THADA: variants seen among roughly 807,000 people sequenced by gnomAD.
THADA encodes the protein tRNA (32-2'-O)-methyltransferase regulator THADA.
Under a neutral mutation model 219.8 loss-of-function variants are expected in THADA, and 213 were observed. The observed-to-expected ratio is 0.97, with a 90% confidence interval of 0.87 to 1.09. The LOEUF (loss-of-function observed/expected upper bound fraction) is 1.09. Ranked by LOEUF, THADA falls within the 50% of genes least tolerant of loss-of-function variation. The probability of loss-of-function intolerance (pLI) is 0.00; values close to 1 mark genes in which losing one functional copy is unlikely to be tolerated. For missense variants in THADA, 2,956 were observed against 2,311.3 expected, an observed-to-expected ratio of 1.28 and a Z score of -5.72; for synonymous variants, 1,018 against 828.9, an observed-to-expected ratio of 1.23 and a Z score of -3.92.
At chr2:43,234,226 G>A (rs950769727) in intron 36 of THADA, among the ~76,000 whole-genome samples, 2 of 152,372 alleles carry the variant, frequency 1.3e-5, no homozygotes, top group African/African-American at 2.4e-5. Flanking sequence ...GCAAAGCGCA[G>A]ATTTGGAGAC....
intron 26 of THADA, among the ~76,000 whole-genome samples, chr2:43,476,895 T>G (rs571907081): frequency 6.6e-6 from 1 of 152,164 alleles, no homozygotes; most frequent in Non-Finnish European, 1.5e-5. Context: ...ACCTAGAATA[T>G]AAAGTTCATT....
At chr2:43,353,841 G>A (rs1245016048) in intron 29 of THADA, among the ~76,000 whole-genome samples, 2 of 95,624 alleles carry the variant, frequency 2.1e-5, no homozygotes, top group Non-Finnish European at 4.3e-5. Context: ...TTTTTGAGAT[G>A]TAGTCTCGCT....
intron 29 of THADA, among the ~76,000 whole-genome samples, chr2:43,383,591 C>T (rs1672288113): frequency 6.6e-6 from 1 of 152,172 alleles, no homozygotes; most frequent in Admixed American, 6.5e-5. Context: ...TGAATTAGTA[C>T]TTAAACATAA....
At position 43,232,714 on chromosome 2, in the gene THADA, T is replaced by C; in HGVS notation, c.5465A>G (p.Gln1822Arg). 1 of 1,613,702 alleles carries C rather than the reference T, an allele frequency of 6.2e-7. No homozygotes were observed. The highest frequency in any genetic ancestry group is 8.5e-7 in the Non-Finnish European group (1 of 1,179,694). ...ACTCCCCTGACACCCCGGGATCACC[T>C]GATGCATGCTCTCCACACAGGCCAC... is the stretch of plus-strand genomic sequence containing the variant. The part of the protein sequence containing the change: ...DLVACVESMH[Q>R]VEEDYLFEKA... The change falls in exon 37 of 38, where the codon CAG becomes CGG. Residue 1822 changes from glutamine (Q) to arginine (R), a missense_variant and splice_region_variant. Coordinates refer to ENST00000405975, the MANE Select transcript of THADA (RefSeq NM_022065.5).
chr2:43,484,441 G>A (rs1317348663), intron 26 of THADA: 1 of 169,104 alleles, frequency 5.9e-6, no homozygotes, highest in Non-Finnish European at 1.5e-5. Flanking sequence ...AGACCACTGG[G>A]CCAAACTGGA....
intron 17 of THADA, among the ~76,000 whole-genome samples, chr2:43,553,216 G>C (rs2103889725): frequency 6.6e-6 from 1 of 152,202 alleles, no homozygotes; most frequent in African/African-American, 2.4e-5. Context: ...AAACATTCTT[G>C]TACAAGTTTT....
chr2:43,493,329 T>C (rs1460673718), intron 25 of THADA, among the ~76,000 whole-genome samples: 1 of 152,130 alleles, frequency 6.6e-6, no homozygotes, highest in African/African-American at 2.4e-5. Flanking sequence ...ACCCCGTCTC[T>C]ACTAAAAATA....
intron 14 of THADA, among the ~76,000 whole-genome samples, chr2:43,569,174 G>C (rs905135736): frequency 1.3e-5 from 2 of 152,020 alleles, no homozygotes; most frequent in Admixed American, 1.3e-4. Context: ...ATGGGGTCTT[G>C]CTATGTTGCC....
At chr2:43,455,889 T>C (rs1682935277) in intron 26 of THADA, among the ~76,000 whole-genome samples, 2 of 152,214 alleles carry the variant, frequency 1.3e-5, no homozygotes, top group Non-Finnish European at 2.9e-5. Flanking sequence ...ACTTTTACAT[T>C]CTGTTCCTTA....
chr2:43,506,155 G>A (rs1441351004), intron 23 of THADA, among the ~76,000 whole-genome samples: 1 of 152,190 alleles, frequency 6.6e-6, no homozygotes, highest in Non-Finnish European at 1.5e-5. Flanking sequence ...TAAAATTCTT[G>A]TAAGAATGTT....
intron 26 of THADA, among the ~76,000 whole-genome samples, chr2:43,438,664 G>C (rs942613036): frequency 6.6e-6 from 1 of 152,108 alleles, no homozygotes; most frequent in Non-Finnish European, 1.5e-5. Flanking sequence ...AAACACTTTG[G>C]ATCTACCACC....
intron 25 of THADA, among the ~76,000 whole-genome samples, chr2:43,494,733 G>A (rs978996765): frequency 7.9e-5 from 12 of 152,152 alleles, no homozygotes; most frequent in African/African-American, 2.9e-4. Flanking sequence ...TATTTCTAGT[G>A]CTTAACATAA....
At chr2:43,235,607 T>A (rs550704595) in intron 36 of THADA, among the ~76,000 whole-genome samples, 3 of 152,272 alleles carry the variant, frequency 2.0e-5, no homozygotes, top group East Asian at 3.9e-4. Flanking sequence ...CCACTTTTTT[T>A]ATGGTCTCCT....
At chr2:43,350,484 C>A (rs1441741877) in intron 29 of THADA, among the ~76,000 whole-genome samples, 2 of 152,230 alleles carry the variant, frequency 1.3e-5, no homozygotes, top group Non-Finnish European at 2.9e-5. Flanking sequence ...CCGCTTCAGG[C>A]ATATTAACTG....
chr2:43,326,455 T>C (rs889520239), intron 30 of THADA, among the ~76,000 whole-genome samples: 2 of 152,198 alleles, frequency 1.3e-5, no homozygotes, highest in African/African-American at 4.8e-5. Flanking sequence ...GGAATTGGAA[T>C]GGCAGAGGTG....
At chr2:43,420,211 C>G (rs1045030040) in intron 28 of THADA, among the ~76,000 whole-genome samples, 1 of 152,232 alleles carries the variant, frequency 6.6e-6, no homozygotes, top group African/African-American at 2.4e-5. Context: ...CACTGATGCT[C>G]TTCCCCTTCT....
intron 21 of THADA, among the ~76,000 whole-genome samples, chr2:43,537,389 T>C (rs751375333): frequency 1.3e-5 from 2 of 152,204 alleles, no homozygotes; most frequent in African/African-American, 2.4e-5. Flanking sequence ...GATATCCTTG[T>C]AGTAAGGCAG....
At chr2:43,510,535 A>G (rs1690275445) in intron 22 of THADA, among the ~76,000 whole-genome samples, 1 of 152,078 alleles carries the variant, frequency 6.6e-6, no homozygotes, top group Non-Finnish European at 1.5e-5. Context: ...TCTATTAATA[A>G]TATTGCCAGC....
intron 26 of THADA, among the ~76,000 whole-genome samples, chr2:43,474,257 G>A (rs1366143894): frequency 6.6e-6 from 1 of 152,142 alleles, no homozygotes; most frequent in African/African-American, 2.4e-5. Flanking sequence ...AAGAGATGGG[G>A]GTTTAAAGAG....
Sources: allele counts gnomAD v4.1 joint callset (sites outside exome capture counted in the v4.1 genomes callset), GRCh38; gene constraint gnomAD v4.1.1; transcripts MANE v1.5; gene names NCBI Gene and HGNC (gene_info 2026-07-23, HGNC 2026-07-21).